The following RBFOX1 variants were observed in gnomAD, a reference collection of about 807,000 sequenced individuals.
RBFOX1 encodes RNA binding protein fox-1 homolog 1.
RBFOX1 carries 8 observed loss-of-function variants against 57.7 expected under a neutral mutation model. That is an observed-to-expected ratio of 0.14 (90% CI 0.08 to 0.25). The LOEUF is 0.25. Ranked by LOEUF, RBFOX1 falls within the 10% of genes least tolerant of loss-of-function variation. The pLI, the probability that RBFOX1 is intolerant of heterozygous loss-of-function variation, is 1.00. For missense variants in RBFOX1, 611 were observed against 548.5 expected (o/e 1.11, Z -1.14); for synonymous variants, 326 against 222.4 (o/e 1.47, Z -4.15).
chr16:7,088,509 G>A (rs2060323429), intron 4 of RBFOX1, among the ~76,000 whole-genome samples: 1 of 150,174 alleles, frequency 6.7e-6, no homozygotes, highest in African/African-American at 2.4e-5. Context: ...ACTTATTCTG[G>A]CTTTCTGATA....
At chr16:5,749,854 C>T (rs773613579) in intron 3 of RBFOX1, among the ~76,000 whole-genome samples, 3 of 152,218 alleles carry the variant, frequency 2.0e-5, no homozygotes, top group African/African-American at 2.4e-5. Flanking sequence ...CTGAAGCCTT[C>T]TTCTCTCAAC....
intron 1 of RBFOX1, among the ~76,000 whole-genome samples, chr16:5,401,450 C>G (rs1488483487): frequency 6.6e-6 from 1 of 152,180 alleles, no homozygotes; most frequent in Admixed American, 6.5e-5. Context: ...CATTAATGTG[C>G]TGGAACAACT....
rs71147673 is a variant in RBFOX1 at position 7,223,712 on chromosome 16, G to GAAAAA, written c.27+171629_27+171633dup. 2.6e-3 allele frequency among the ~76,000 whole-genome samples: 338 copies of GAAAAA among 130,398 alleles called. 5 individuals carry two copies. The highest frequency in any genetic ancestry group is 8.7e-3 in the African/African-American group (321 of 36,724). The allele number at this position is 130,398 out of a possible 152,430, so 85.5% of individuals were successfully genotyped here. On this transcript the variant is annotated intron_variant, in intron 4 of 15. Coordinates refer to ENST00000550418, the MANE Select transcript of RBFOX1 (RefSeq NM_018723.4). ...CCCACTATATGCCGTCAGTGTTTCAGAAAAAAAAAAAAAAAAAAAGAAAAA... is the reference window on the plus strand; with the variant it reads ...CCCACTATATGCCGTCAGTGTTTCAGAAAAAAAAAAAAAAAAAAAAAAAAGAAAAA...
chr16:6,512,330 T>G (rs2096272888), intron 2 of RBFOX1, among the ~76,000 whole-genome samples: 1 of 146,144 alleles, frequency 6.8e-6, no homozygotes, highest in Non-Finnish European at 1.5e-5. Flanking sequence ...ATGCATGTAT[T>G]TAATGAAAAA....
intron 3 of RBFOX1, among the ~76,000 whole-genome samples, chr16:6,973,591 G>A (rs1275495281): frequency 6.6e-6 from 1 of 152,102 alleles, no homozygotes; most frequent in Non-Finnish European, 1.5e-5. Context: ...GATTGTAAAT[G>A]GTGAGGACTT....
intron 2 of RBFOX1, among the ~76,000 whole-genome samples, chr16:6,620,428 T>A (rs2098212119): frequency 1.3e-5 from 2 of 151,832 alleles, no homozygotes; most frequent in South Asian, 4.2e-4. Flanking sequence ...AACAACACAA[T>A]TAAAAGAACT....
chr16:6,947,187 T>G (rs2079712121), intron 3 of RBFOX1, among the ~76,000 whole-genome samples: 1 of 152,132 alleles, frequency 6.6e-6, no homozygotes, highest in Non-Finnish European at 1.5e-5. Context: ...TTCAACTCTT[T>G]ATGTGAAGGA....
intron 1 of RBFOX1, among the ~76,000 whole-genome samples, chr16:5,402,740 G>T (rs1395740983): frequency 1.3e-5 from 2 of 152,134 alleles, no homozygotes; most frequent in Admixed American, 1.3e-4. Flanking sequence ...CCTCTTAAGT[G>T]TGTTAATCTC....
At chr16:6,636,950 A>C (rs1390581505) in intron 2 of RBFOX1, among the ~76,000 whole-genome samples, 2 of 130,928 alleles carry the variant, frequency 1.5e-5, no homozygotes, top group Non-Finnish European at 3.1e-5. Flanking sequence ...TAAAATATAC[A>C]TAAAATATGT....
intron 1 of RBFOX1, among the ~76,000 whole-genome samples, chr16:5,274,014 T>C (rs2063081146): frequency 6.6e-6 from 1 of 152,228 alleles, no homozygotes; most frequent in African/African-American, 2.4e-5. Flanking sequence ...GAGGAAAATG[T>C]ATTCCCTCTC....
intron 3 of RBFOX1, among the ~76,000 whole-genome samples, chr16:7,023,139 AAC>A (rs377229737): frequency 3.9e-5 from 6 of 152,234 alleles, no homozygotes; most frequent in African/African-American, 1.4e-4. Flanking sequence ...AAGAAAATAA[AAC>A]ACATAGTGGG....
chr16:5,568,824 A>G (rs897148950), intron 2 of RBFOX1, among the ~76,000 whole-genome samples: 2 of 152,060 alleles, frequency 1.3e-5, no homozygotes, highest in African/African-American at 4.8e-5. Context: ...CTGGCTTGGG[A>G]AATCATGACA....
chr16:7,013,726 C>G (rs1238598537), intron 3 of RBFOX1, among the ~76,000 whole-genome samples: 3 of 151,714 alleles, frequency 2.0e-5, no homozygotes, highest in African/African-American at 7.3e-5. Context: ...GGCACAATCA[C>G]TGCTCACTGC....
Position 7,710,862 on chromosome 16 carries a change from A to T in RBFOX1, c.*117A>T. The stretch of plus-strand genomic sequence containing the variant: ...GCAACTCTAAAAAAAAAAAAAATAC[A>T]AATAAAAAGGAAAAAAAATTACATT... On this transcript the variant is annotated 3_prime_UTR_variant, in exon 16 of 16. Transcript: ENST00000550418. 9.5e-7 allele frequency: 1 copy of T among 1,053,590 alleles called. No homozygotes were observed. Among genetic ancestry groups the T allele is most frequent in the Non-Finnish European group, 1.2e-6 (1 of 802,920 alleles). The allele number at this position is 1,053,590 out of a possible 1,614,324, so 65.3% of individuals were successfully genotyped here.
Position 5,762,475 on chromosome 16 carries a change from G to A in RBFOX1, c.319-104828G>A, listed in dbSNP as rs1482778136. 7.9e-5 allele frequency among the ~76,000 whole-genome samples: 12 copies of A among 152,112 alleles called. 1 individual carries two copies. The East Asian group carries it at 2.3e-3, about 29-fold the overall frequency. ...ACGTGGAACAACCTTTTGTGGGGCA[G>A]TTTGGCAATAAGACTAATATGCTCG... is the stretch of plus-strand genomic sequence containing the variant. On this transcript the variant is annotated intron_variant, in intron 3 of 19. Coordinates refer to the RBFOX1 transcript ENST00000641259.
At chr16:6,637,152 A>G (rs1350431612) in intron 2 of RBFOX1, among the ~76,000 whole-genome samples, 1 of 78,788 alleles carries the variant, frequency 1.3e-5, no homozygotes, top group Non-Finnish European at 2.2e-5. Flanking sequence ...TATAATATAC[A>G]ATATATATTA....
chr16:5,307,367 C>G (rs1025947728), intron 1 of RBFOX1, among the ~76,000 whole-genome samples: 1 of 152,208 alleles, frequency 6.6e-6, no homozygotes, highest in Non-Finnish European at 1.5e-5. Flanking sequence ...GATTCTCTCC[C>G]TGCCATCTTC....
intron 1 of RBFOX1, chr16:6,059,151 G>C (rs1283777251): frequency 6.6e-5 from 10 of 152,212 alleles, no homozygotes; most frequent in Non-Finnish European, 1.5e-4. Context: ...GGTAGAAGAG[G>C]TGAATAATTC....
chr16:5,563,289 TCATTTC>T (rs2045951092), intron 2 of RBFOX1, among the ~76,000 whole-genome samples: 1 of 152,222 alleles, frequency 6.6e-6, no homozygotes, highest in Non-Finnish European at 1.5e-5. Flanking sequence ...TGACCCATGT[TCATTTC>T]CATTTCCATT....
Sources: gnomAD v4.1 joint callset for allele counts (sites outside exome capture counted in the v4.1 genomes callset) on GRCh38, gnomAD v4.1.1 for gene constraint, MANE v1.5 for transcripts, NCBI Gene and HGNC (gene_info 2026-07-23, HGNC 2026-07-21) for gene names.